Variants in UTRN observed in about 807,000 individuals in gnomAD.
UTRN encodes the protein dystrophin-related protein 1.
Under a neutral mutation model 463.9 loss-of-function variants are expected in UTRN, and 283 were observed. That is an observed-to-expected ratio of 0.61 (90% CI 0.55 to 0.67). The LOEUF is 0.67. Among genes scored for constraint, UTRN ranks in the 30% least tolerant of loss-of-function variants. The pLI, the probability that UTRN is intolerant of heterozygous loss-of-function variation, is 0.00. For synonymous variants in UTRN, 1,442 were observed against 1,431.5 expected, an observed-to-expected ratio of 1.01 and a Z score of -0.17; for missense variants, 3,922 against 4,084.3, an observed-to-expected ratio of 0.96 and a Z score of 1.08.
intron 54 of UTRN, among the ~76,000 whole-genome samples, chr6:144,730,808 A>T (rs1438558831): frequency 1.3e-5 from 2 of 151,546 alleles, no homozygotes; most frequent in African/African-American, 4.8e-5. Flanking sequence ...AAGTTACATG[A>T]TAAATAATTG....
chr6:144,542,541 G>C (rs749122971), intron 45 of UTRN, among the ~76,000 whole-genome samples: 14 of 152,130 alleles, frequency 9.2e-5, no homozygotes, highest in Non-Finnish European at 1.8e-4. Context: ...TTCAAGGGAG[G>C]GGGAGTGGAC....
At position 144,827,386 on chromosome 6, in the gene UTRN, A is replaced by T; in HGVS notation, c.9533A>T (p.Asp3178Val). The change falls in exon 67 of 75, where the codon GAC (aspartate) becomes GTC (valine). Residue 3178 changes from aspartate (D) to valine (V), a missense_variant and splice_region_variant. By Grantham distance (152) the Asp-to-Val change is radical (BLOSUM62 -3). Transcript: ENST00000367545. Reference sequence around the variant, plus strand: ...ATCAGTATGTGGCCAGAGCACTATGAGTGAGTATTCATAGCCCACGTGCAG... The same window carrying T: ...ATCAGTATGTGGCCAGAGCACTATGTGTGAGTATTCATAGCCCACGTGCAG... ...TLISMWPEHY[D>V]PSQSPQLFHD... 1 of 1,613,442 alleles carries T rather than the reference A, an allele frequency of 6.2e-7. No homozygotes were observed. The highest frequency in any genetic ancestry group is 8.5e-7 in the Non-Finnish European group (1 of 1,179,630).
chr6:144,596,460 G>T (rs1467213434), intron 51 of UTRN, among the ~76,000 whole-genome samples: 4 of 152,278 alleles, frequency 2.6e-5, no homozygotes, highest in Admixed American at 6.5e-5. Context: ...AAGCTTAAAA[G>T]AGTTAATCCT....
chr6:144,499,418 CT>C lies in UTRN; in HGVS notation c.4756del (p.Trp1586GlyfsTer6). 6.2e-7 allele frequency: 1 copy of C among 1,606,228 alleles called. No homozygotes were observed. The highest frequency in any genetic ancestry group is 1.3e-5 in the African/African-American group (1 of 74,884). On this transcript the variant is annotated frameshift_variant, in exon 34 of 75. Transcript: ENST00000367545. LOFTEE classifies it high-confidence loss of function. ...TTGGTGACTTGGATACAGAAATTTC[CT>C]GGGCTAAAGTAAGTTGCAGTTCAGA... ...LLGDLDTEIS[W>X]AKNVLKDLEK...
chr6:144,458,655 A>G, intron 19 of UTRN, 115 bp from the exon 20 acceptor site: 2 of 1,272,140 alleles, frequency 1.6e-6, no homozygotes, highest in Non-Finnish European at 2.1e-6. Context: ...GACTTAAGAA[A>G]GTGATCATTA....
intron 61 of UTRN, among the ~76,000 whole-genome samples, chr6:144,788,513 C>T (rs962873139): frequency 6.6e-6 from 1 of 150,668 alleles, no homozygotes; most frequent in Non-Finnish European, 1.5e-5. Context: ...GTAGCTCTAG[C>T]TGTTTTGAAT....
chr6:144,818,731 G>A (rs1218560673), intron 65 of UTRN, among the ~76,000 whole-genome samples: 3 of 152,076 alleles, frequency 2.0e-5, no homozygotes, highest in Non-Finnish European at 2.9e-5. Context: ...AAGACATTTA[G>A]GGTAAGCATA....
intron 9 of UTRN, among the ~76,000 whole-genome samples, chr6:144,429,988 C>G (rs1386483722): frequency 6.6e-6 from 1 of 152,210 alleles, no homozygotes; most frequent in African/African-American, 2.4e-5. Context: ...TGGGCTGTTG[C>G]TCATGCTGCT....
At chr6:144,366,937 C>A (rs1002077446) in intron 2 of UTRN, among the ~76,000 whole-genome samples, 3 of 152,058 alleles carry the variant, frequency 2.0e-5, no homozygotes, top group African/African-American at 7.2e-5. Context: ...TTGATAATAG[C>A]CATTCTGAGT....
At position 144,319,927 on chromosome 6, in the gene UTRN, C is replaced by T. The variant is rs537324114; in HGVS notation, c.79+28020C>T. 2.2e-4 allele frequency among the ~76,000 whole-genome samples: 33 copies of T among 151,320 alleles called. No homozygotes were observed. The East Asian group carries it at 3.9e-3, about 18-fold the overall frequency. ...GGAGTGTAATGGTGTGATCTTGGCT[C>T]ACCGCAATGTCCGCCTCCTAGGTTC... On this transcript the variant is annotated intron_variant, in intron 2 of 74. Coordinates refer to ENST00000367545, the MANE Select transcript of UTRN (RefSeq NM_007124.3).
chr6:144,506,922 T>C (rs1794736907), intron 34 of UTRN, among the ~76,000 whole-genome samples: 1 of 152,204 alleles, frequency 6.6e-6, no homozygotes, highest in South Asian at 2.1e-4. Flanking sequence ...GGTTTGGTCT[T>C]TTCACATAGT....
At chr6:144,321,866 C>T (rs990950231) in intron 2 of UTRN, among the ~76,000 whole-genome samples, 7 of 151,578 alleles carry the variant, frequency 4.6e-5, no homozygotes, top group Non-Finnish European at 7.4e-5. Context: ...CGGGTTCAAG[C>T]GAGTCTCCTG....
intron 66 of UTRN, among the ~76,000 whole-genome samples, chr6:144,824,812 A>G (rs1187738535): frequency 6.7e-6 from 1 of 149,872 alleles, no homozygotes; most frequent in Non-Finnish European, 1.5e-5. Flanking sequence ...ATGACGCTGA[A>G]TGATCTGGCT....
chr6:144,704,679 T>C (rs1448494891), intron 53 of UTRN, among the ~76,000 whole-genome samples: 2 of 152,130 alleles, frequency 1.3e-5, no homozygotes, highest in Non-Finnish European at 2.9e-5. Context: ...AGATGAATTT[T>C]CTGGCTGGGC....
rs1324309599 is a variant in UTRN at position 144,836,334 on chromosome 6, C to T, written c.9858C>T (p.Asp3286=). 3 of 1,614,098 alleles carry T rather than the reference C, an allele frequency of 1.9e-6. No homozygotes were observed. The highest frequency in any genetic ancestry group is 2.2e-5 in the South Asian group (2 of 91,076). ...NLQVEYEQLK[D]QHLRRGLPVG... The stretch of plus-strand genomic sequence containing the variant: ...AGGTGGAGTATGAGCAGCTGAAGGA[C>T]CAGCACCTCCGAAGGGGGCTCCCTG... Residue 3286 remains aspartate, a synonymous_variant, in exon 71 of 75, where the codon GAC becomes GAT. Transcript: ENST00000367545.
chr6:144,321,231 A>G (rs1407987826), intron 2 of UTRN, among the ~76,000 whole-genome samples: 2 of 150,574 alleles, frequency 1.3e-5, no homozygotes, highest in East Asian at 3.9e-4. Flanking sequence ...CACACACACA[A>G]CCATATACAC....
At chr6:144,693,924 A>G (rs1783698741) in intron 52 of UTRN, among the ~76,000 whole-genome samples, 1 of 151,970 alleles carries the variant, frequency 6.6e-6, no homozygotes, top group South Asian at 2.1e-4. Context: ...GACTTCCAAT[A>G]TTGTGTTGAA....
chr6:144,634,920 C>T (rs1776943127), intron 51 of UTRN, among the ~76,000 whole-genome samples: 2 of 152,100 alleles, frequency 1.3e-5, no homozygotes, highest in African/African-American at 2.4e-5. Context: ...ACTCATCAGT[C>T]GATGGGCATT....
At chr6:144,507,027 T>A (rs1023699578) in intron 34 of UTRN, among the ~76,000 whole-genome samples, 2 of 152,072 alleles carry the variant, frequency 1.3e-5, no homozygotes, top group Non-Finnish European at 2.9e-5. Flanking sequence ...CTTCAATCTC[T>A]GATATGCTTT....
Sources: gnomAD v4.1 joint callset for allele counts (sites outside exome capture counted in the v4.1 genomes callset) on GRCh38, gnomAD v4.1.1 for gene constraint, MANE v1.5 for transcripts, NCBI Gene and HGNC (gene_info 2026-07-23, HGNC 2026-07-21) for gene names.